RSPO2: variants seen among roughly 807,000 people sequenced by gnomAD.
RSPO2 encodes the protein R-spondin-2.
A neutral mutation model predicts 30.9 loss-of-function variants in RSPO2; 14 were observed. That is an observed-to-expected ratio of 0.45 (90% CI 0.30 to 0.71). RSPO2 has a LOEUF of 0.71. Ranked by LOEUF, RSPO2 falls within the 30% of genes least tolerant of loss-of-function variation. RSPO2 has a pLI of 0.08. For missense variants in RSPO2, 264 were observed against 301.9 expected (o/e 0.87, Z 0.93); for synonymous variants, 107 against 96.4 (o/e 1.11, Z -0.64).
chr8:107,962,952 C>T (rs1252438556), intron 3 of RSPO2, among the ~76,000 whole-genome samples: 1 of 152,104 alleles, frequency 6.6e-6, no homozygotes, highest in African/African-American at 2.4e-5. Flanking sequence ...TTACCAGGCC[C>T]TTTGCTGATC....
chr8:108,054,067 A>C (rs950678140), intron 2 of RSPO2, among the ~76,000 whole-genome samples: 1 of 152,092 alleles, frequency 6.6e-6, no homozygotes, highest in African/African-American at 2.4e-5. Context: ...TGTTGAAAAA[A>C]TTATTTATTG....
chr8:108,013,189 C>T (rs939719381), intron 2 of RSPO2, among the ~76,000 whole-genome samples: 1 of 152,152 alleles, frequency 6.6e-6, no homozygotes, highest in Non-Finnish European at 1.5e-5. Flanking sequence ...TGCTGTAACC[C>T]TTGATCAATA....
At chr8:107,983,232 G>GT in intron 3 of RSPO2, 1 of 1,577,822 alleles carries the variant, frequency 6.3e-7, no homozygotes. Context: ...AGGCTGCAGC[G>GT]TATCTTTCTG....
intron 2 of RSPO2, among the ~76,000 whole-genome samples, chr8:108,063,773 A>G (rs895210944): frequency 6.6e-6 from 1 of 152,132 alleles, no homozygotes; most frequent in Non-Finnish European, 1.5e-5. Context: ...ACCTGACTTC[A>G]AACTATACTA....
intron 2 of RSPO2, among the ~76,000 whole-genome samples, chr8:107,998,659 G>A (rs1323122722): frequency 6.6e-6 from 1 of 151,938 alleles, no homozygotes; most frequent in Non-Finnish European, 1.5e-5. Flanking sequence ...ATTTAGAAGG[G>A]CTATATTAAC....
chr8:108,003,277 GTATATATATATATATATA>G (rs59782097), intron 2 of RSPO2, among the ~76,000 whole-genome samples: 2 of 56,382 alleles, frequency 3.5e-5, no homozygotes, highest in Non-Finnish European at 6.9e-5. Context: ...GTGTGTGTGT[GTATATATATATATATATA>G]TATATATATA....
At chr8:107,944,961 T>C (rs1408122057) in intron 5 of RSPO2, among the ~76,000 whole-genome samples, 1 of 152,006 alleles carries the variant, frequency 6.6e-6, no homozygotes, top group Non-Finnish European at 1.5e-5. Flanking sequence ...GTTTTATCAC[T>C]AGATAAACTA....
At chr8:108,062,191 A>T (rs1812491809) in intron 2 of RSPO2, among the ~76,000 whole-genome samples, 1 of 151,928 alleles carries the variant, frequency 6.6e-6, no homozygotes, top group Non-Finnish European at 1.5e-5. Flanking sequence ...AGATCAGAGC[A>T]GAACTGAAGG....
intron 5 of RSPO2, among the ~76,000 whole-genome samples, chr8:107,937,151 G>GTT (rs149136012): frequency 2.7e-4 from 29 of 107,750 alleles, no homozygotes; most frequent in Non-Finnish European, 4.5e-4. Context: ...TCCATCTTCA[G>GTT]TTGTTTTTTT....
chr8:107,957,810 C>A (rs1303478703), intron 5 of RSPO2, among the ~76,000 whole-genome samples: 1 of 152,184 alleles, frequency 6.6e-6, no homozygotes, highest in Non-Finnish European at 1.5e-5. Flanking sequence ...GCCACCAAAA[C>A]ACATTTAGAA....
intron 3 of RSPO2, among the ~76,000 whole-genome samples, chr8:107,980,922 C>T (rs190427805): frequency 6.6e-6 from 1 of 152,282 alleles, no homozygotes; most frequent in East Asian, 1.9e-4. Flanking sequence ...TTGTCTAATT[C>T]TGTATCAGTT....
intron 5 of RSPO2, among the ~76,000 whole-genome samples, chr8:107,929,030 C>T (rs190316465): frequency 2.6e-4 from 39 of 152,220 alleles, no homozygotes; most frequent in Non-Finnish European, 4.1e-4. Flanking sequence ...AAGGCTGGAC[C>T]GCATGCCCTG....
At chr8:107,999,068 T>C (rs1303446150) in intron 2 of RSPO2, among the ~76,000 whole-genome samples, 1 of 152,174 alleles carries the variant, frequency 6.6e-6, no homozygotes, top group Non-Finnish European at 1.5e-5. Context: ...ACCCATATTT[T>C]CTCAGAATCT....
intron 5 of RSPO2, among the ~76,000 whole-genome samples, chr8:107,918,277 TC>T (rs1812040607): frequency 6.6e-6 from 1 of 152,192 alleles, no homozygotes; most frequent in Admixed American, 6.5e-5. Flanking sequence ...ACCTGATTCT[TC>T]CAGAATTTGG....
intron 5 of RSPO2, among the ~76,000 whole-genome samples, chr8:107,931,091 T>G (rs191901612): frequency 6.6e-6 from 1 of 152,292 alleles, no homozygotes; most frequent in East Asian, 1.9e-4. Flanking sequence ...TAAAAACATA[T>G]GATAGGAAAT....
In RSPO2 at chr8:108,059,414, C is replaced by T. The variant is rs1004736058; in HGVS notation, c.94+23131G>A. 3.0e-4 allele frequency among the ~76,000 whole-genome samples: 46 copies of T among 151,632 alleles called. 1 individual carries two copies. The highest frequency in any genetic ancestry group is 1.1e-3 in the African/African-American group (46 of 41,034). On this transcript the variant is annotated intron_variant, in intron 2 of 5. Transcript: ENST00000276659. ...TTTACACTGTTGGTGGGACTGTAAACTAGTTCAACCATTGTGGAAGTCAGT... is the reference window on the plus strand; with the variant it reads ...TTTACACTGTTGGTGGGACTGTAAATTAGTTCAACCATTGTGGAAGTCAGT...
intron 3 of RSPO2, chr8:107,983,158 AG>A (rs1441146148): frequency 1.3e-6 from 2 of 1,519,758 alleles, no homozygotes; most frequent in Admixed American, 3.9e-5. Flanking sequence ...TCATCAACAG[AG>A]CAGATGAGCA....
chr8:108,024,392 T>A (rs2130618854), intron 2 of RSPO2, among the ~76,000 whole-genome samples: 1 of 151,276 alleles, frequency 6.6e-6, no homozygotes, highest in African/African-American at 2.4e-5. Context: ...ATGAGGAAAA[T>A]CTACAAACTG....
intron 3 of RSPO2, among the ~76,000 whole-genome samples, chr8:107,987,875 T>C (rs1814700777): frequency 6.6e-6 from 1 of 152,176 alleles, no homozygotes; most frequent in African/African-American, 2.4e-5. Flanking sequence ...TGGGAGATCA[T>C]TAAATCACTC....
Sources: allele counts gnomAD v4.1 joint callset (sites outside exome capture counted in the v4.1 genomes callset), GRCh38; gene constraint gnomAD v4.1.1; transcripts MANE v1.5; gene names NCBI Gene and HGNC (gene_info 2026-07-23, HGNC 2026-07-21).